The following ARHGAP21 variants were observed in gnomAD, a reference collection of about 807,000 sequenced individuals.
The protein encoded by ARHGAP21 is Rho GTPase activating protein 21.
A neutral mutation model predicts 164.6 loss-of-function variants in ARHGAP21; 38 were observed. That is an observed-to-expected ratio of 0.23 (90% CI 0.18 to 0.30). The LOEUF (loss-of-function observed/expected upper bound fraction) is 0.30, where lower values mean the gene tolerates loss of function less well. Among genes scored for constraint, ARHGAP21 ranks in the 10% least tolerant of loss-of-function variants. The pLI is 1.00. For synonymous variants in ARHGAP21, 766 were observed against 857.9 expected, an observed-to-expected ratio of 0.89 and a Z score of 1.87; for missense variants, 1,822 against 2,370.7, an observed-to-expected ratio of 0.77 and a Z score of 4.81.
chr10:24,597,554 C>A lies in ARHGAP21; in HGVS notation c.3227G>T (p.Arg1076Leu), dbSNP rs372140665. ...SKAEQLPKTP[R>L]QSLSIRQTLL... ...AGTTTGCCTGATGCTGAGACTCTGG[C>A]GAGGTGTTTTTGGCAACTGTTCTGC... Residue 1076 changes from arginine to leucine, a missense_variant, in exon 16 of 26, where the codon CGC becomes CTC. Coordinates refer to ENST00000396432, the MANE Select transcript of ARHGAP21 (RefSeq NM_020824.4). The A allele has an allele frequency of 6.2e-7, 1 of 1,613,966 alleles. No individual in the cohort carries two copies. Among genetic ancestry groups the A allele is most frequent in the South Asian group, 1.1e-5 (1 of 91,066 alleles).
At chr10:24,713,866 G>A (rs1845099110) in intron 2 of ARHGAP21, among the ~76,000 whole-genome samples, 1 of 152,072 alleles carries the variant, frequency 6.6e-6, no homozygotes, top group Non-Finnish European at 1.5e-5. Flanking sequence ...ATTAGATTGT[G>A]AAATAATTTG....
At chr10:24,610,287 G>A (rs373644731) in intron 9 of ARHGAP21, among the ~76,000 whole-genome samples, 2 of 151,158 alleles carry the variant, frequency 1.3e-5, no homozygotes, top group East Asian at 1.9e-4. Context: ...TGAGGCAGGA[G>A]AATCGCTTGA....
intron 24 of ARHGAP21, chr10:24,590,374 C>A: frequency 6.5e-7 from 1 of 1,535,376 alleles, no homozygotes; most frequent in Non-Finnish European, 8.7e-7. Context: ...AAGGCAGCTA[C>A]AGTGTGGACA....
chr10:24,595,059 C>A lies in ARHGAP21; in HGVS notation c.3787-20G>T, dbSNP rs1204874463. The A allele has an allele frequency of 1.2e-6, 2 of 1,609,188 alleles. No homozygotes were observed. The highest frequency in any genetic ancestry group is 8.5e-7 in the Non-Finnish European group (1 of 1,176,814). On this transcript the variant is annotated intron_variant, in intron 20 of 25. Transcript: ENST00000396432. The stretch of plus-strand genomic sequence containing the variant: ...GTGAATCTGAAACAGATTATTTTCA[C>A]AATGGATTCAGAGGCTGAATTTTAG...
At chr10:24,628,721 T>C (rs1835381646) in intron 7 of ARHGAP21, among the ~76,000 whole-genome samples, 1 of 150,838 alleles carries the variant, frequency 6.6e-6, no homozygotes, top group Non-Finnish European at 1.5e-5. Context: ...GCAAAATCAA[T>C]TGAAGGAAAA....
chr10:24,621,467 T>C, intron 8 of ARHGAP21, 98 bp from the exon 9 acceptor site: 1 of 1,116,544 alleles, frequency 9.0e-7, no homozygotes, highest in Non-Finnish European at 1.3e-6. Context: ...CCTACCTCGT[T>C]CCTGAGTGAC....
chr10:24,673,980 C>A (rs745899908), intron 2 of ARHGAP21, among the ~76,000 whole-genome samples: 3 of 152,190 alleles, frequency 2.0e-5, no homozygotes, highest in Non-Finnish European at 4.4e-5. Context: ...TTAGATATAA[C>A]CCCAAGGAAC....
In ARHGAP21 at chr10:24,607,609, T is replaced by C. The variant is rs1235373640; in HGVS notation, c.2582-8A>G. Reference sequence around the variant, plus strand: ...TAGGAGGGCCAACAGATTCTGTAATTAATTAAAATCCAATATTTAGACATT... The same window carrying C: ...TAGGAGGGCCAACAGATTCTGTAATCAATTAAAATCCAATATTTAGACATT... On this transcript the variant is annotated splice_region_variant and splice_polypyrimidine_tract_variant and intron_variant, in intron 10 of 25. Transcript: ENST00000396432. The C allele has an allele frequency of 6.2e-7, 1 of 1,613,270 alleles. No homozygotes were observed. Among genetic ancestry groups the C allele is most frequent in the Non-Finnish European group, 8.5e-7 (1 of 1,179,290 alleles).
intron 2 of ARHGAP21, among the ~76,000 whole-genome samples, chr10:24,696,991 A>G (rs1843231052): frequency 6.6e-6 from 1 of 152,246 alleles, no homozygotes; most frequent in South Asian, 2.1e-4. Flanking sequence ...ATCACAGAAC[A>G]GCAGAGGCCA....
chr10:24,585,765 G>C lies in ARHGAP21; in HGVS notation c.4524C>G (p.Asn1508Lys), dbSNP rs757103634. The C allele has an allele frequency of 2.5e-6, 4 of 1,613,992 alleles. No homozygotes were observed. The highest frequency in any genetic ancestry group is 3.4e-6 in the Non-Finnish European group (4 of 1,179,900). Residue 1508 changes from asparagine to lysine, a missense_variant, in exon 26 of 26, where the codon AAC (asparagine) becomes AAG (lysine). Asn to Lys is a moderately conservative substitution (Grantham distance 94). Transcript: ENST00000396432. ...GAGTTGGTGACTTGTTGTGTTTTGA[G>C]TTGTGTGGTGGTGAGGGTTCTTCAG... ...TPSEEPSPPH[N>K]SKHNKSPTLS...
chr10:24,596,091 A>C, intron 17 of ARHGAP21, 48 bp from the exon 18 acceptor site: 1 of 1,483,178 alleles, frequency 6.7e-7, no homozygotes, highest in African/African-American at 1.4e-5. Flanking sequence ...ACAAATGTTT[A>C]GTAGTTGTAT....
intron 4 of ARHGAP21, among the ~76,000 whole-genome samples, chr10:24,653,692 T>G (rs1385724095): frequency 6.6e-6 from 1 of 152,094 alleles, no homozygotes; most frequent in Non-Finnish European, 1.5e-5. Flanking sequence ...AGTAACCAGG[T>G]CTACAGGTGC....
In ARHGAP21 at chr10:24,620,162, C is replaced by A. The variant is rs372882159; in HGVS notation, c.1733G>T (p.Gly578Val). The change falls in exon 9 of 26, where the codon GGA (glycine) becomes GTA (valine). Residue 578 changes from glycine (G) to valine (V), a missense_variant. Physicochemically the swap from Gly to Val is moderately radical, Grantham distance 109. Transcript: ENST00000396432. Reference protein sequence around the residue: ...DNRRMSGRGVGSVSQFKKIPP... With the variant: ...DNRRMSGRGVVSVSQFKKIPP... ...AATTTTTTTAAACTGCGACACAGAT[C>A]CCACTCCTCTACCACTCATTCGCCT... 1.2e-5 allele frequency: 19 copies of A among 1,613,852 alleles called. No individual in the cohort carries two copies. In the African/African-American group the frequency reaches 2.5e-4, roughly 22 times the overall value.
chr10:24,626,150 C>T (rs972760683), intron 7 of ARHGAP21, among the ~76,000 whole-genome samples: 14 of 152,110 alleles, frequency 9.2e-5, no homozygotes, highest in African/African-American at 2.9e-4. Flanking sequence ...TTATAAAAAC[C>T]GATTAACTTA....
intron 2 of ARHGAP21, among the ~76,000 whole-genome samples, chr10:24,680,663 T>C (rs966457095): frequency 4.6e-5 from 7 of 152,164 alleles, no homozygotes; most frequent in African/African-American, 1.7e-4. Flanking sequence ...TACATTTCTA[T>C]GGGCCTTCAC....
chr10:24,636,626 C>A (rs938956531), intron 4 of ARHGAP21, among the ~76,000 whole-genome samples: 11 of 152,070 alleles, frequency 7.2e-5, no homozygotes, highest in Non-Finnish European at 1.2e-4. Context: ...AGTGTATGCA[C>A]CAAGATGGCT....
intron 4 of ARHGAP21, among the ~76,000 whole-genome samples, chr10:24,635,600 G>A (rs1051191674): frequency 1.3e-5 from 2 of 152,120 alleles, no homozygotes; most frequent in East Asian, 3.9e-4. Context: ...AGGCTGGAGT[G>A]CAGTGGTGCA....
chr10:24,652,376 G>A (rs1350256268), intron 4 of ARHGAP21, among the ~76,000 whole-genome samples: 1 of 152,078 alleles, frequency 6.6e-6, no homozygotes, highest in Non-Finnish European at 1.5e-5. Flanking sequence ...TGTGAATAAC[G>A]CATCTTGAAG....
chr10:24,716,773 CAT>C (rs1226333515), intron 2 of ARHGAP21, among the ~76,000 whole-genome samples: 2 of 152,278 alleles, frequency 1.3e-5, no homozygotes, highest in East Asian at 1.9e-4. Flanking sequence ...ACCAGATCCA[CAT>C]GTCATATATG....
Sources: gnomAD v4.1 joint callset for allele counts (sites outside exome capture counted in the v4.1 genomes callset) on GRCh38, gnomAD v4.1.1 for gene constraint, MANE v1.5 for transcripts, NCBI Gene and HGNC (gene_info 2026-07-23, HGNC 2026-07-21) for gene names.